The following TMPPE variants were observed in gnomAD, a reference collection of about 807,000 sequenced individuals.
TMPPE encodes the protein transmembrane protein with metallophosphoesterase domain.
TMPPE carries 16 observed loss-of-function variants against 22.6 expected under a neutral mutation model. The ratio of observed to expected loss-of-function variants is 0.71; its 90% CI spans 0.48 to 1.08. The LOEUF (loss-of-function observed/expected upper bound fraction) is 1.08, where lower values mean the gene tolerates loss of function less well. Ranked by LOEUF, TMPPE falls within the 50% of genes least tolerant of loss-of-function variation. The probability of loss-of-function intolerance (pLI) is 0.00; values close to 1 mark genes in which losing one functional copy is unlikely to be tolerated. For synonymous variants in TMPPE, 240 were observed against 245.3 expected (o/e 0.98, Z 0.20); for missense variants, 526 against 584.3 (o/e 0.90, Z 1.03).
In TMPPE at chr3:33,092,815, T is replaced by C. The variant is rs1276391363; in HGVS notation, c.*19A>G. 1.3e-6 allele frequency: 2 copies of C among 1,571,028 alleles called. No individual in the cohort carries two copies. The highest frequency in any genetic ancestry group is 1.8e-5 in the Admixed American group (1 of 56,326). On this transcript the variant is annotated 3_prime_UTR_variant, in exon 2 of 2. Transcript: ENST00000342462. Reference sequence around the variant, plus strand: ...GTCGAGGACAAGGGCAGGGCAGAGGTGCACAGGGCAGGGCCAGTTCAGGGA... The same window carrying C: ...GTCGAGGACAAGGGCAGGGCAGAGGCGCACAGGGCAGGGCCAGTTCAGGGA...
intron 1 of TMPPE, 101 bp downstream of exon 1, chr3:33,096,618 G>A: frequency 1.9e-6 from 2 of 1,064,402 alleles, no homozygotes; most frequent in Non-Finnish European, 1.1e-6. Context: ...GCACCAACTG[G>A]GAAAGCGAGG....
chr3:33,096,400 C>T, intron 1 of TMPPE: 2 of 842,224 alleles, frequency 2.4e-6, no homozygotes, highest in Non-Finnish European at 2.9e-6. Context: ...CTGCCTATTC[C>T]CCCCCTCAAC....
rs1339069120 is a variant in TMPPE, at chr3:33,092,704, G to C, written c.*130C>G. ...CACCATAAGTCACTGTTTGAGTCAG[G>C]CTTGTGACCAAGGGTGTGTAGGCAA... On this transcript the variant is annotated 3_prime_UTR_variant, in exon 2 of 2. Coordinates refer to ENST00000342462, the MANE Select transcript of TMPPE (RefSeq NM_001039770.3). 1 of 1,456,652 alleles carries C rather than the reference G, an allele frequency of 6.9e-7. No homozygotes were observed. The highest frequency in any genetic ancestry group is 9.0e-7 in the Non-Finnish European group (1 of 1,107,680). 90.2% of individuals were successfully genotyped at this position (1,456,652 alleles called of 1,614,324 possible).
In TMPPE at chr3:33,097,034, G is replaced by GA. The variant is rs398123356; in HGVS notation, c.-425dup. The GA allele has an allele frequency of 1.9e-6, 3 of 1,612,324 alleles. No individual in the cohort carries two copies. The African/African-American group carries it at 4.0e-5, about 22-fold the overall frequency. ...ACGCGCAAGCCGCGCGTAGGGCCCA[G>GA]AAGCAGCAGAACCAGCAACAGAGGG... On this transcript the variant is annotated 5_prime_UTR_variant, in exon 1 of 2. An upstream open reading frame in the 5' UTR loses its in-frame stop. Transcript: ENST00000342462.
chr3:33,096,602 C>T, intron 1 of TMPPE, 117 bp downstream of exon 1: 1 of 1,050,704 alleles, frequency 9.5e-7, no homozygotes, highest in Non-Finnish European at 1.1e-6. Context: ...CGGAGCGCTC[C>T]GCAGAGCACC....
In TMPPE at chr3:33,091,751, C is replaced by T. The variant is rs993057390; in HGVS notation, c.*1083G>A. The T allele has an allele frequency of 1.0e-6, 1 of 985,398 alleles. No individual in the cohort carries two copies. The allele number at this position is 985,398 out of a possible 1,614,324, so 61.0% of individuals were successfully genotyped here. Reference sequence around the variant, plus strand: ...GCAGGGTTAGCCTCTCCAGTCAGAGCGAGTGTCTTCACTCCCCATTGGAGG... The same window carrying T: ...GCAGGGTTAGCCTCTCCAGTCAGAGTGAGTGTCTTCACTCCCCATTGGAGG... On this transcript the variant is annotated 3_prime_UTR_variant, in exon 2 of 2. Coordinates refer to ENST00000342462, the MANE Select transcript of TMPPE (RefSeq NM_001039770.3).
In TMPPE at chr3:33,094,239, G is replaced by A. The variant is rs773765210; in HGVS notation, c.-44C>T. 1 of 1,535,566 alleles carries A rather than the reference G, an allele frequency of 6.5e-7. No homozygotes were observed. Among genetic ancestry groups the A allele is most frequent in the African/African-American group, 1.4e-5 (1 of 72,306 alleles). On this transcript the variant is annotated 5_prime_UTR_variant, in exon 2 of 2. Transcript: ENST00000342462. ...GCTCCCCCACCAGTTCTGTGCTGGT[G>A]GACTCTGGAAATGAGTTCCTTAGAA...
At position 33,093,846 on chromosome 3, in the gene TMPPE, G is replaced by A. The variant is rs762689714; in HGVS notation, c.350C>T (p.Ala117Val). The change falls in exon 2 of 2, where the codon GCG (alanine) becomes GTG (valine). Residue 117 changes from alanine (A) to valine (V), a missense_variant. By Grantham distance (64) the Ala-to-Val change is moderately conservative. Transcript: ENST00000342462. The surrounding 1 kb of genome is among the most constrained non-coding windows in gnomAD (Gnocchi z 6.0). ...VAEEPYLFSL[A>V]AYSCLGAYII... ...GTAAGCACCCAGGCAGGAGTAGGCC[G>A]CCAAGGAAAAGAGATAGGGCTCTTC... The A allele has an allele frequency of 6.8e-6, 11 of 1,613,516 alleles. No individual in the cohort carries two copies. The highest frequency in any genetic ancestry group is 4.5e-5 in the East Asian group (2 of 44,852).
rs981876412 is a variant in TMPPE, at chr3:33,096,678, T to C, written c.-109+41A>G. On this transcript the variant is annotated intron_variant, in intron 1 of 1. Transcript: ENST00000342462. ...ACCCTCTAACCCGCGCAACTTGGAA[T>C]CCCCTCCCGGAAAGCCAACTTAGGA... The C allele has an allele frequency of 2.6e-6, 3 of 1,147,312 alleles. No individual in the cohort carries two copies. The African/African-American group carries it at 4.9e-5, about 19-fold the overall frequency. 71.1% of individuals were successfully genotyped at this position (1,147,312 alleles called of 1,614,324 possible). A position where few individuals can be genotyped will look rare whatever the true frequency, so the allele number is the denominator to read the frequency against.
In TMPPE at chr3:33,093,493, C is replaced by T. The variant is rs1249148101; in HGVS notation, c.703G>A (p.Val235Met). The T allele has an allele frequency of 6.2e-7, 1 of 1,614,222 alleles. No individual in the cohort carries two copies. Among genetic ancestry groups the T allele is most frequent in the South Asian group, 1.1e-5 (1 of 91,086 alleles). ...ATCACCGTGATGTCTGGTTCCAGCACATTCACCATCCTCACAAACATTTCC... is the reference window on the plus strand; with the variant it reads ...ATCACCGTGATGTCTGGTTCCAGCATATTCACCATCCTCACAAACATTTCC... ...KMEMFVRMVN[V>M]LEPDITVIVG... Residue 235 changes from valine to methionine, a missense_variant, in exon 2 of 2, where the codon GTG (valine) becomes ATG (methionine). By Grantham distance (21) the Val-to-Met change is conservative. Transcript: ENST00000342462. This position sits in a 1 kb window ranked among gnomAD's most constrained non-coding sequence, Gnocchi z 6.0.
rs748796101 is a variant in TMPPE at position 33,093,454 on chromosome 3, A to G, written c.742T>C (p.Ser248Pro). Residue 248 changes from serine to proline, a missense_variant, in exon 2 of 2, where the codon TCC (serine) becomes CCC (proline). By Grantham distance (74) the Ser-to-Pro change is moderately conservative. Transcript: ENST00000342462. The surrounding 1 kb of genome is among the most constrained non-coding windows in gnomAD (Gnocchi z 6.0). ...CGCAGGACCGAGGCTTCTGAGTCGG[A>G]GAGGTCACCCACAATCACCGTGATG... Reference protein sequence around the residue: ...PDITVIVGDLSDSEASVLRTA... With the variant: ...PDITVIVGDLPDSEASVLRTA... 6.2e-7 allele frequency: 1 copy of G among 1,614,042 alleles called. No individual in the cohort carries two copies. Among genetic ancestry groups the G allele is most frequent in the South Asian group, 1.1e-5 (1 of 91,074 alleles).
Position 33,093,891 on chromosome 3 carries a change from G to A in TMPPE, c.305C>T (p.Thr102Ile). The A allele has an allele frequency of 6.2e-7, 1 of 1,613,940 alleles. No individual in the cohort carries two copies. Among genetic ancestry groups the A allele is most frequent in the Non-Finnish European group, 8.5e-7 (1 of 1,179,964 alleles). ...FLALAHSSFF[T>I]MFFLVAEEPY... ...CTCTTCGGCCACTAAAAAGAACATG[G>A]TAAAGAAACTGGAATGGGCCAGGGC... The change falls in exon 2 of 2, where the codon ACC (threonine) becomes ATC (isoleucine). Residue 102 changes from threonine to isoleucine, a missense_variant. Coordinates refer to ENST00000342462, the MANE Select transcript of TMPPE (RefSeq NM_001039770.3). The surrounding 1 kb of genome is among the most constrained non-coding windows in gnomAD (Gnocchi z 6.0).
Position 33,094,113 on chromosome 3 carries a change from C to A in TMPPE, c.83G>T (p.Arg28Leu). The change falls in exon 2 of 2, where the codon CGC becomes CTC. Residue 28 changes from arginine (R) to leucine (L), a missense_variant. Physicochemically the swap from Arg to Leu is moderately radical, Grantham distance 102. Transcript: ENST00000342462. ...VTVFVSMIAS[R>L]SYLAESLELR... The stretch of plus-strand genomic sequence containing the variant: ...CTCAAGGCTCTCTGCCAGATACGAG[C>A]GGGAGGCGATCATGGACACGAAGAC... 6.2e-7 allele frequency: 1 copy of A among 1,614,212 alleles called. No individual in the cohort carries two copies. Among genetic ancestry groups the A allele is most frequent in the Non-Finnish European group, 8.5e-7 (1 of 1,180,026 alleles).
Position 33,093,994 on chromosome 3 carries a change from C to T in TMPPE, c.202G>A (p.Val68Met). The T allele has an allele frequency of 1.9e-6, 3 of 1,614,206 alleles. No homozygotes were observed. Among genetic ancestry groups the T allele is most frequent in the Non-Finnish European group, 2.5e-6 (3 of 1,180,038 alleles). Reference protein sequence around the residue: ...IGSLYIWRSTVSNLCHSPAAE... With the variant: ...IGSLYIWRSTMSNLCHSPAAE... ...GCTGGGGAGTGGCAGAGGTTGCTCA[C>T]TGTGCTGCGCCAAATGTAGAGGGAG... The change falls in exon 2 of 2, where the codon GTG becomes ATG. Residue 68 changes from valine (V) to methionine (M), a missense_variant. By Grantham distance (21) the Val-to-Met change is conservative. Coordinates refer to ENST00000342462, the MANE Select transcript of TMPPE (RefSeq NM_001039770.3). The surrounding 1 kb of genome is among the most constrained non-coding windows in gnomAD (Gnocchi z 6.0).
rs756853130 is a variant in TMPPE, at chr3:33,097,136, G to A, written c.-526C>T. The A allele has an allele frequency of 6.2e-7, 1 of 1,601,880 alleles. No homozygotes were observed. The highest frequency in any genetic ancestry group is 8.5e-7 in the Non-Finnish European group (1 of 1,173,684). On this transcript the variant is annotated 5_prime_UTR_variant, in exon 1 of 2. It adds an upstream start codon to the 5' untranslated region. Transcript: ENST00000342462. ...TCGGCGCCCAGGCCGGCCGCTTCGCGTCACTTGACTAAGGACCCACGGCCT... is the reference window on the plus strand; with the variant it reads ...TCGGCGCCCAGGCCGGCCGCTTCGCATCACTTGACTAAGGACCCACGGCCT...
Position 33,091,408 on chromosome 3 carries a change from G to C in TMPPE, c.*1426C>G, listed in dbSNP as rs1700756157. 1 of 985,394 alleles carries C rather than the reference G, an allele frequency of 1.0e-6. No homozygotes were observed. The highest frequency in any genetic ancestry group is 1.7e-5 in the African/African-American group (1 of 57,234). The allele number at this position is 985,394 out of a possible 1,614,324, so 61.0% of individuals were successfully genotyped here. On this transcript the variant is annotated 3_prime_UTR_variant, in exon 2 of 2. Transcript: ENST00000342462. ...GGAAGGCAAACCCCTAGCAGTTGCT[G>C]CTTTGACACATCACCTGCCCCAGCA... is the stretch of plus-strand genomic sequence containing the variant.
At position 33,094,224 on chromosome 3, in the gene TMPPE, C is replaced by CA; in HGVS notation, c.-30dup. 2 of 1,558,300 alleles carry CA rather than the reference C, an allele frequency of 1.3e-6. No individual in the cohort carries two copies. Among genetic ancestry groups the CA allele is most frequent in the Non-Finnish European group, 1.7e-6 (2 of 1,150,374 alleles). On this transcript the variant is annotated 5_prime_UTR_variant, in exon 2 of 2. Coordinates refer to ENST00000342462, the MANE Select transcript of TMPPE (RefSeq NM_001039770.3). ...CTCTGCTCCTAGTAGGCTCCCCCAC[C>CA]AGTTCTGTGCTGGTGGACTCTGGAA...
Position 33,092,792 on chromosome 3 carries a change from C to T in TMPPE, c.*42G>A, listed in dbSNP as rs114144251. 5.7e-5 allele frequency: 88 copies of T among 1,542,338 alleles called. No individual in the cohort carries two copies. In the African/African-American group the frequency reaches 1.0e-3, roughly 18 times the overall value. On this transcript the variant is annotated 3_prime_UTR_variant, in exon 2 of 2. Transcript: ENST00000342462. ...ACCACTCTGAAGCAGGATGGAGGGT[C>T]GAGGACAAGGGCAGGGCAGAGGTGC... is the stretch of plus-strand genomic sequence containing the variant.
At position 33,092,642 on chromosome 3, in the gene TMPPE, G is replaced by C. The variant is rs1001761604; in HGVS notation, c.*192C>G. The C allele has an allele frequency of 1.4e-5, 19 of 1,370,316 alleles. No homozygotes were observed. In the African/African-American group the frequency reaches 2.7e-4, roughly 20 times the overall value. The allele number at this position is 1,370,316 out of a possible 1,614,324, so 84.9% of individuals were successfully genotyped here. A position where few individuals can be genotyped will look rare whatever the true frequency, so the allele number is the denominator to read the frequency against. On this transcript the variant is annotated 3_prime_UTR_variant, in exon 2 of 2. Transcript: ENST00000342462. ...GCATCAAAAAAAGCAACTGGCCAAG[G>C]AAATAGTTAAACCAGCCTGAACATG... is the stretch of plus-strand genomic sequence containing the variant.
Sources: allele counts gnomAD v4.1 joint callset, GRCh38; gene constraint gnomAD v4.1.1; non-coding constraint Gnocchi (gnomAD v3.1); transcripts MANE v1.5; gene names NCBI Gene and HGNC (gene_info 2026-07-23, HGNC 2026-07-21).